CPNE4: variants seen among roughly 807,000 people sequenced by gnomAD.
The protein encoded by CPNE4 is copine-4.
In CPNE4, 25 loss-of-function variants were observed where a neutral mutation model predicts 67.9. The observed-to-expected ratio is 0.37, with a 90% confidence interval of 0.27 to 0.51. The LOEUF is 0.51. Among genes scored for constraint, CPNE4 ranks in the 20% least tolerant of loss-of-function variants. The pLI is 0.93. For synonymous variants in CPNE4, 242 were observed against 244.9 expected (o/e 0.99, Z 0.11); for missense variants, 464 against 690.8 (o/e 0.67, Z 3.68).
In CPNE4 at chr3:131,587,484, C is replaced by T. The variant is rs1938263774; in HGVS notation, c.780G>A (p.Gln260=). The T allele has an allele frequency of 1.2e-6, 2 of 1,612,010 alleles. No homozygotes were observed. The highest frequency in any genetic ancestry group is 1.7e-6 in the Non-Finnish European group (2 of 1,178,322). ...KEMRGAMEGK[Q]VQWECINPKY... is the part of the protein sequence containing the mutation. ...AAACCAAAAGTGGTTGACCATGTAC[C>T]TGTTTCCCTTCCATTGCTCCTCTCA... Residue 260 remains glutamine, a splice_region_variant and synonymous_variant, in exon 8 of 16, where the codon CAG becomes CAA. Transcript: ENST00000429747.
At chr3:131,637,669 C>G (rs1232977910) in intron 7 of CPNE4, among the ~76,000 whole-genome samples, 1 of 152,066 alleles carries the variant, frequency 6.6e-6, no homozygotes, top group Non-Finnish European at 1.5e-5. Context: ...ATCTATACAT[C>G]CAAATACAAG....
intron 7 of CPNE4, chr3:131,620,566 C>G (rs1328569722): frequency 3.7e-6 from 2 of 533,968 alleles, no homozygotes; most frequent in Non-Finnish European, 2.4e-6. Context: ...GGATATGTTA[C>G]TTTAAATAGC....
intron 7 of CPNE4, among the ~76,000 whole-genome samples, chr3:131,659,509 T>A (rs1488830946): frequency 6.6e-6 from 1 of 152,224 alleles, no homozygotes; most frequent in East Asian, 1.9e-4. Flanking sequence ...ACCTCTTTAC[T>A]TTCAACTAGA....
intron 7 of CPNE4, among the ~76,000 whole-genome samples, chr3:131,609,900 C>T (rs573237686): frequency 1.2e-3 from 190 of 152,094 alleles, no homozygotes; most frequent in South Asian, 2.3e-3. Flanking sequence ...ATATAAGAGC[C>T]CCTACTGGAC....
At chr3:131,820,356 G>A (rs2084917015) in intron 2 of CPNE4, among the ~76,000 whole-genome samples, 1 of 152,190 alleles carries the variant, frequency 6.6e-6, no homozygotes, top group Non-Finnish European at 1.5e-5. Flanking sequence ...GTCTGACAGT[G>A]GGCTGAAATG....
chr3:131,720,995 T>C (rs1003558591), intron 3 of CPNE4, among the ~76,000 whole-genome samples: 2 of 152,212 alleles, frequency 1.3e-5, no homozygotes, highest in African/African-American at 4.8e-5. Flanking sequence ...TCAGTATAAA[T>C]GTCACTTCTC....
At chr3:131,812,891 A>G (rs1488761400) in intron 2 of CPNE4, among the ~76,000 whole-genome samples, 1 of 152,222 alleles carries the variant, frequency 6.6e-6, no homozygotes, top group East Asian at 1.9e-4. Context: ...TTCACCAGAA[A>G]GGAATAAAGG....
intron 1 of CPNE4, among the ~76,000 whole-genome samples, chr3:131,978,087 A>ATTT (rs1491325727): frequency 3.1e-5 from 1 of 32,216 alleles, no homozygotes; most frequent in African/African-American, 2.0e-4. Context: ...AAATATATAT[A>ATTT]AATATATATA....
chr3:132,011,237 G>C (rs1355895685), intron 1 of CPNE4, among the ~76,000 whole-genome samples: 3 of 152,182 alleles, frequency 2.0e-5, no homozygotes, highest in Non-Finnish European at 2.9e-5. Flanking sequence ...TTGTGCTTTA[G>C]AAAGGGGTTT....
At chr3:131,542,339 C>T (rs1935548881) in intron 15 of CPNE4, among the ~76,000 whole-genome samples, 1 of 151,988 alleles carries the variant, frequency 6.6e-6, no homozygotes, top group Non-Finnish European at 1.5e-5. Flanking sequence ...TTTTTTTCTC[C>T]AAAGAGTCAT....
intron 4 of CPNE4, among the ~76,000 whole-genome samples, chr3:131,698,521 T>C (rs2107700288): frequency 6.6e-6 from 1 of 151,790 alleles, no homozygotes; most frequent in East Asian, 1.9e-4. Context: ...CAGTGTCATT[T>C]AAAATATTCA....
At chr3:131,584,054 A>G (rs1418313595) in intron 8 of CPNE4, among the ~76,000 whole-genome samples, 1 of 152,190 alleles carries the variant, frequency 6.6e-6, no homozygotes, top group East Asian at 1.9e-4. Flanking sequence ...GTTATTCAAG[A>G]ATTAATCAAG....
chr3:131,732,866 G>C (rs182603241), intron 2 of CPNE4, among the ~76,000 whole-genome samples: 9 of 152,272 alleles, frequency 5.9e-5, no homozygotes, highest in African/African-American at 1.9e-4. Flanking sequence ...AATGAATTAT[G>C]GGCTTTTAAA....
intron 7 of CPNE4, among the ~76,000 whole-genome samples, chr3:131,666,869 G>T (rs1328364007): frequency 6.6e-6 from 1 of 152,146 alleles, no homozygotes; most frequent in Admixed American, 6.6e-5. Context: ...CAAATACAGT[G>T]CTTAGACCTT....
intron 3 of CPNE4, among the ~76,000 whole-genome samples, chr3:131,713,728 G>A (rs1424020255): frequency 1.3e-5 from 2 of 152,162 alleles, no homozygotes; most frequent in African/African-American, 4.8e-5. Context: ...GAGGACTCCA[G>A]AGAAAGCAGA....
chr3:131,680,354 G>A (rs1461503014), intron 6 of CPNE4, among the ~76,000 whole-genome samples: 1 of 150,770 alleles, frequency 6.6e-6, no homozygotes, highest in African/African-American at 2.4e-5. Flanking sequence ...GTCTTTTGAA[G>A]ACTACGTACC....
At chr3:131,852,906 A>T (rs1219677048) in intron 2 of CPNE4, among the ~76,000 whole-genome samples, 1 of 151,660 alleles carries the variant, frequency 6.6e-6, no homozygotes, top group African/African-American at 2.4e-5. Context: ...ATCTTAGCAA[A>T]GCATGTACAA....
intron 1 of CPNE4, among the ~76,000 whole-genome samples, chr3:131,969,790 A>C (rs1330999587): frequency 6.6e-6 from 1 of 152,216 alleles, no homozygotes; most frequent in African/African-American, 2.4e-5. Context: ...GCATCATGTC[A>C]AATAAAACAA....
chr3:131,846,550 T>C (rs1161970965), intron 2 of CPNE4, among the ~76,000 whole-genome samples: 3 of 152,144 alleles, frequency 2.0e-5, no homozygotes, highest in African/African-American at 7.2e-5. Flanking sequence ...TCAAAATAGA[T>C]GTAGTAAGAG....
Sources: allele counts gnomAD v4.1 joint callset (sites outside exome capture counted in the v4.1 genomes callset), GRCh38; gene constraint gnomAD v4.1.1; transcripts MANE v1.5; gene names NCBI Gene and HGNC (gene_info 2026-07-23, HGNC 2026-07-21).